MAPK6: variants seen among roughly 807,000 people sequenced by gnomAD.
MAPK6 encodes ERK-3.
In MAPK6, 19 loss-of-function variants were observed where a neutral mutation model predicts 59.3. That is an observed-to-expected ratio of 0.32 (90% confidence interval 0.22 to 0.47). MAPK6 has a LOEUF of 0.47. Among genes scored for constraint, MAPK6 ranks in the 20% least tolerant of loss-of-function variants. The pLI is 1.00. For synonymous variants in MAPK6, 316 were observed against 290.3 expected, an observed-to-expected ratio of 1.09 and a Z score of -0.90; for missense variants, 724 against 847.9, an observed-to-expected ratio of 0.85 and a Z score of 1.81.
At chr15:52,009,011 T>C (rs941835515) in intron 3 of MAPK6, among the ~76,000 whole-genome samples, 5 of 152,162 alleles carry the variant, frequency 3.3e-5, no homozygotes, top group African/African-American at 4.8e-5. Flanking sequence ...GCCTACCATA[T>C]GATATACTAA....
Position 52,058,724 on chromosome 15 carries a change from A to G in MAPK6, c.792A>G (p.Pro264=), listed in dbSNP as rs766253233. Residue 264 remains proline, a synonymous_variant, in exon 4 of 6, where the codon CCA becomes CCG. Transcript: ENST00000261845. ...GTCAGGAGCTTCTCAGCGTAATTCC[A>G]GTTTACATTAGAAATGACATGACTG... ...EDRQELLSVI[P]VYIRNDMTEP... is the part of the protein sequence containing the mutation. 3 of 1,613,606 alleles carry G rather than the reference A, an allele frequency of 1.9e-6. No homozygotes were observed. The highest frequency in any genetic ancestry group is 1.3e-5 in the African/African-American group (1 of 75,020).
Position 52,066,156 on chromosome 15 carries a change from C to G in MAPK6, c.*1156C>G, listed in dbSNP as rs924344577. 6.6e-6 allele frequency: 1 copy of G among 152,556 alleles called. No homozygotes were observed. The highest frequency in any genetic ancestry group is 1.5e-5 in the Non-Finnish European group (1 of 68,044). 9.5% of individuals were successfully genotyped at this position (152,556 alleles called of 1,614,324 possible). ...TTAGGTTAAACGTAGCATGTGGCAT[C>G]GCAGTCTCTTAGAATTTGTTTCATC... On this transcript the variant is annotated 3_prime_UTR_variant, in exon 6 of 6. Transcript: ENST00000261845.
chr15:52,059,111 A>T (rs1249164449), intron 4 of MAPK6, among the ~76,000 whole-genome samples: 2 of 152,136 alleles, frequency 1.3e-5, no homozygotes, highest in African/African-American at 4.8e-5. Flanking sequence ...AAATGCCTGG[A>T]TAAAAAGAAA....
chr15:52,035,617 C>A (rs1321343854), intron 1 of MAPK6: 2 of 148,080 alleles, frequency 1.4e-5, no homozygotes, highest in Non-Finnish European at 3.0e-5. Context: ...GAGCGAGACA[C>A]CATCTTAAAA....
At chr15:51,983,213 G>A (rs924676527) in exon 2 of MAPK6, among the ~76,000 whole-genome samples, 11 of 152,090 alleles carry the variant, frequency 7.2e-5, no homozygotes, top group South Asian at 2.1e-4. Context: ...TAGGTTGGGC[G>A]TGGTGCCTCA....
intron 3 of MAPK6, among the ~76,000 whole-genome samples, chr15:52,050,859 T>C (rs1000234258): frequency 6.6e-6 from 1 of 151,790 alleles, no homozygotes; most frequent in Non-Finnish European, 1.5e-5. Context: ...TTTGTGCAAG[T>C]TGTCAAATAA....
At chr15:51,974,421 C>T (rs2057151212) in intron 1 of MAPK6, among the ~76,000 whole-genome samples, 1 of 151,254 alleles carries the variant, frequency 6.6e-6, no homozygotes, top group African/African-American at 2.4e-5. Flanking sequence ...CTTTGGGAGG[C>T]CGAGGCAGGT....
chr15:51,976,266 CAAAAAAAAA>C (rs774556505), intron 1 of MAPK6, among the ~76,000 whole-genome samples: 1 of 45,188 alleles, frequency 2.2e-5, no homozygotes, highest in African/African-American at 7.6e-5. Context: ...ACTCCCATCT[CAAAAAAAAA>C]AAAAAAAAAA....
At chr15:52,012,025 A>C (rs184765512) in intron 3 of MAPK6, among the ~76,000 whole-genome samples, 1 of 152,270 alleles carries the variant, frequency 6.6e-6, no homozygotes, top group Non-Finnish European at 1.5e-5. Context: ...GTGATGTAGC[A>C]TTCACTTCAC....
chr15:52,038,582 A>T (rs1595990438), intron 1 of MAPK6, among the ~76,000 whole-genome samples: 1 of 152,218 alleles, frequency 6.6e-6, no homozygotes, highest in Non-Finnish European at 1.5e-5. Flanking sequence ...GCCATCTATT[A>T]TCCTGACTGC....
chr15:52,063,398 T>A (rs1279669591), intron 5 of MAPK6, among the ~76,000 whole-genome samples: 1 of 152,172 alleles, frequency 6.6e-6, no homozygotes, highest in South Asian at 2.1e-4. Context: ...AGTTATCTAA[T>A]CTCTTTTCTT....
At chr15:52,053,520 T>C (rs1208950006) in intron 3 of MAPK6, among the ~76,000 whole-genome samples, 3 of 152,222 alleles carry the variant, frequency 2.0e-5, no homozygotes, top group Non-Finnish European at 4.4e-5. Context: ...ACAAATATTT[T>C]GTGATTTACA....
intron 1 of MAPK6, among the ~76,000 whole-genome samples, chr15:52,036,661 C>T (rs568686537): frequency 5.1e-4 from 78 of 152,350 alleles, no homozygotes; most frequent in African/African-American, 1.8e-3. Context: ...CAAAGCATGG[C>T]ACGGGCCTAG....
intron 2 of MAPK6, among the ~76,000 whole-genome samples, chr15:51,993,872 A>C (rs998296365): frequency 6.6e-6 from 1 of 151,032 alleles, no homozygotes; most frequent in Non-Finnish European, 1.5e-5. Flanking sequence ...GGACTGAAGA[A>C]TCCTCTGCCT....
intron 3 of MAPK6, among the ~76,000 whole-genome samples, chr15:52,008,096 C>G (rs887469829): frequency 2.6e-5 from 4 of 152,156 alleles, no homozygotes; most frequent in African/African-American, 7.2e-5. Context: ...ATCCACCCGC[C>G]TCAGCCTCCC....
chr15:52,046,579 A>G lies in MAPK6; in HGVS notation c.119A>G (p.Asn40Ser), dbSNP rs1195894281. The G allele has an allele frequency of 1.2e-6, 2 of 1,614,058 alleles. No individual in the cohort carries two copies. Among genetic ancestry groups the G allele is most frequent in the African/African-American group, 2.7e-5 (2 of 74,928 alleles). Residue 40 changes from asparagine (N) to serine (S), a missense_variant, in exon 2 of 6, where the codon AAT becomes AGT. Transcript: ENST00000261845. ...GNGLVFSAVD[N>S]DCDKRVAIKK... is the part of the protein sequence containing the mutation. Reference sequence around the variant, plus strand: ...GGCTTGGTTTTTTCTGCTGTAGACAATGACTGTGACAAAAGAGTAGCCATC... The same window carrying G: ...GGCTTGGTTTTTTCTGCTGTAGACAGTGACTGTGACAAAAGAGTAGCCATC...
chr15:51,987,768 T>A (rs1285762316), intron 2 of MAPK6, among the ~76,000 whole-genome samples: 3 of 148,882 alleles, frequency 2.0e-5, no homozygotes, highest in Non-Finnish European at 4.5e-5. Context: ...AGTACTTTTT[T>A]TTTTTTTTTT....
chr15:52,043,742 ATTTTTTTTTT>A (rs71130125), intron 1 of MAPK6, among the ~76,000 whole-genome samples: 13 of 40,654 alleles, frequency 3.2e-4, no homozygotes, highest in Non-Finnish European at 4.4e-4. Flanking sequence ...AAGTTGTTTG[ATTTTTTTTTT>A]TTTTTTTTTT....
At chr15:52,048,861 A>C (rs1415667481) in intron 2 of MAPK6, among the ~76,000 whole-genome samples, 1 of 152,208 alleles carries the variant, frequency 6.6e-6, no homozygotes, top group Non-Finnish European at 1.5e-5. Context: ...GAGAAAAAGA[A>C]AAAGAGATGA....
Sources: gnomAD v4.1 joint callset for allele counts (sites outside exome capture counted in the v4.1 genomes callset) on GRCh38, gnomAD v4.1.1 for gene constraint, MANE v1.5 for transcripts, NCBI Gene and HGNC (gene_info 2026-07-23, HGNC 2026-07-21) for gene names.